SCYL2: variants seen among roughly 807,000 people sequenced by gnomAD.
SCYL2 encodes the protein SCY1 like pseudokinase 2.
A neutral mutation model predicts 100.4 loss-of-function variants in SCYL2; 36 were observed. The ratio of observed to expected loss-of-function variants is 0.36; its 90% CI spans 0.27 to 0.47. The LOEUF (loss-of-function observed/expected upper bound fraction) is 0.47. Ranked by LOEUF, SCYL2 falls within the 20% of genes least tolerant of loss-of-function variation. The probability of loss-of-function intolerance (pLI) is 1.00; values close to 1 mark genes in which losing one functional copy is unlikely to be tolerated. For synonymous variants in SCYL2, 330 were observed against 359.2 expected (o/e 0.92, Z 0.92); for missense variants, 902 against 1,083.9 (o/e 0.83, Z 2.36).
At chr12:100,298,923 C>A (rs1431274688) in intron 4 of SCYL2, among the ~76,000 whole-genome samples, 1 of 152,060 alleles carries the variant, frequency 6.6e-6, no homozygotes, top group East Asian at 1.9e-4. Context: ...TTTCCTTTCC[C>A]TGCTTACCAA....
chr12:100,267,222 C>G lies in SCYL2; in HGVS notation c.-599C>G. On this transcript the variant is annotated 5_prime_UTR_variant, in exon 1 of 18. Transcript: ENST00000360820. The stretch of plus-strand genomic sequence containing the variant: ...ACTCTTCGTCCCCGGTCCCTCCCCT[C>G]CCCACCCCTTTCCTTCTAGCTCCGA... 1 of 825,700 alleles carries G rather than the reference C, an allele frequency of 1.2e-6. No homozygotes were observed. The highest frequency in any genetic ancestry group is 1.8e-6 in the Non-Finnish European group (1 of 544,198). The allele number at this position is 825,700 out of a possible 1,614,324, so 51.1% of individuals were successfully genotyped here.
intron 1 of SCYL2, among the ~76,000 whole-genome samples, chr12:100,279,408 G>T (rs2096295867): frequency 6.6e-6 from 1 of 152,216 alleles, no homozygotes; most frequent in Admixed American, 6.5e-5. Context: ...CCGTGGACTG[G>T]TACTGATCTG....
intron 2 of SCYL2, among the ~76,000 whole-genome samples, chr12:100,288,889 A>T (rs1454191506): frequency 3.3e-5 from 5 of 150,132 alleles, no homozygotes; most frequent in Non-Finnish European, 5.9e-5. Context: ...TTTATTTAAA[A>T]TTTTTTTTTT....
At chr12:100,327,820 A>G (rs1952152945) in intron 12 of SCYL2, among the ~76,000 whole-genome samples, 1 of 152,118 alleles carries the variant, frequency 6.6e-6, no homozygotes, top group African/African-American at 2.4e-5. Context: ...TTTAAGAAAA[A>G]TTATATTATT....
chr12:100,335,054 T>C (rs567373024), intron 14 of SCYL2, among the ~76,000 whole-genome samples: 9 of 152,186 alleles, frequency 5.9e-5, no homozygotes, highest in Non-Finnish European at 1.0e-4. Flanking sequence ...AAGTATTCTA[T>C]AGTGTGTATG....
intron 13 of SCYL2, among the ~76,000 whole-genome samples, chr12:100,332,045 GAT>G (rs1952216007): frequency 6.6e-6 from 1 of 152,118 alleles, no homozygotes; most frequent in Admixed American, 6.5e-5. Flanking sequence ...ATGGTGAAAA[GAT>G]ATAAAGCAAA....
At chr12:100,316,756 A>C (rs933583071) in intron 9 of SCYL2, among the ~76,000 whole-genome samples, 8 of 152,214 alleles carry the variant, frequency 5.3e-5, no homozygotes, top group African/African-American at 1.9e-4. Context: ...AGGATCCTAT[A>C]ATCTGAATTC....
Position 100,282,213 on chromosome 12 carries a change from T to C in SCYL2, c.-28-730T>C, listed in dbSNP as rs576826946. On this transcript the variant is annotated intron_variant, in intron 1 of 17. Coordinates refer to ENST00000360820, the MANE Select transcript of SCYL2 (RefSeq NM_017988.6). ...CTAATTTTTGTAATTTTTGTAGAGA[T>C]GGTTTTTCGCCACATTGGCCAGACT... 1.0e-3 allele frequency among the ~76,000 whole-genome samples: 151 copies of C among 147,662 alleles called. 12 individuals are homozygous for C. Among genetic ancestry groups the C allele is most frequent in the Non-Finnish European group, 1.4e-3 (91 of 65,978 alleles).
At chr12:100,270,554 A>G (rs1307587826) in intron 1 of SCYL2, among the ~76,000 whole-genome samples, 1 of 151,822 alleles carries the variant, frequency 6.6e-6, no homozygotes, top group Non-Finnish European at 1.5e-5. Context: ...CTTTCCTCAG[A>G]TCTTACTTAT....
intron 1 of SCYL2, among the ~76,000 whole-genome samples, chr12:100,269,535 T>C (rs1468940314): frequency 2.0e-5 from 3 of 152,170 alleles, no homozygotes; most frequent in Admixed American, 6.5e-5. Flanking sequence ...ATTTAATGCT[T>C]ACTGAATGGG....
At chr12:100,271,267 A>C (rs1484614969) in intron 1 of SCYL2, among the ~76,000 whole-genome samples, 2 of 149,598 alleles carry the variant, frequency 1.3e-5, no homozygotes, top group African/African-American at 4.9e-5. Context: ...CAGCAAAAAA[A>C]AAAAAAAAAA....
intron 1 of SCYL2, among the ~76,000 whole-genome samples, chr12:100,279,705 GT>G (rs2096296103): frequency 6.6e-6 from 1 of 152,126 alleles, no homozygotes; most frequent in African/African-American, 2.4e-5. Flanking sequence ...GTTCTTACAG[GT>G]TTCTGCTGAT....
At chr12:100,313,293 AAC>A in intron 6 of SCYL2, 127 bp from the exon 7 acceptor site, 1 of 458,676 alleles carries the variant, frequency 2.2e-6, no homozygotes. Context: ...CAATAGAATT[AAC>A]AGTGTGTTTA....
At chr12:100,278,493 G>A (rs2096294780) in intron 1 of SCYL2, among the ~76,000 whole-genome samples, 1 of 152,090 alleles carries the variant, frequency 6.6e-6, no homozygotes, top group Admixed American at 6.6e-5. Flanking sequence ...TTCTGAAGAT[G>A]TCTTTATTTC....
At chr12:100,280,159 T>G (rs370658266) in intron 1 of SCYL2, among the ~76,000 whole-genome samples, 55 of 152,348 alleles carry the variant, frequency 3.6e-4, no homozygotes, top group African/African-American at 1.3e-3. Context: ...ATACATTTTG[T>G]TCAGTTTTCT....
chr12:100,293,606 G>A (rs970143256), intron 3 of SCYL2, among the ~76,000 whole-genome samples: 1 of 151,642 alleles, frequency 6.6e-6, no homozygotes, highest in Non-Finnish European at 1.5e-5. Context: ...TAGGACAATA[G>A]TGGAGGGAAG....
intron 2 of SCYL2, among the ~76,000 whole-genome samples, chr12:100,286,764 T>G (rs1240674404): frequency 6.6e-6 from 1 of 151,686 alleles, no homozygotes; most frequent in East Asian, 1.9e-4. Flanking sequence ...ATATTGTATA[T>G]ACAAAAGCAT....
At chr12:100,295,156 C>CCTT (rs1211110398) in intron 3 of SCYL2, among the ~76,000 whole-genome samples, 1 of 150,468 alleles carries the variant, frequency 6.6e-6, no homozygotes, top group Non-Finnish European at 1.5e-5. Flanking sequence ...AGGGAAGAGG[C>CCTT]GCTCCTCACT....
intron 10 of SCYL2, among the ~76,000 whole-genome samples, chr12:100,322,427 A>G (rs1402447113): frequency 6.6e-6 from 1 of 151,732 alleles, no homozygotes; most frequent in Non-Finnish European, 1.5e-5. Flanking sequence ...GGATTATGTA[A>G]TACTCTGTCC....
Sources: allele counts gnomAD v4.1 joint callset (sites outside exome capture counted in the v4.1 genomes callset), GRCh38; gene constraint gnomAD v4.1.1; transcripts MANE v1.5; gene names NCBI Gene and HGNC (gene_info 2026-07-23, HGNC 2026-07-21).